Variants in ANKRD52 observed in about 807,000 individuals in gnomAD.
ANKRD52 encodes the protein serine/threonine-protein phosphatase 6 regulatory ankyrin repeat subunit C.
A neutral mutation model predicts 116.0 loss-of-function variants in ANKRD52; 7 were observed. The observed-to-expected ratio is 0.06, with a 90% CI of 0.03 to 0.11. The LOEUF (loss-of-function observed/expected upper bound fraction) is 0.11. Among genes scored for constraint, ANKRD52 ranks in the 10% least tolerant of loss-of-function variants. The probability of loss-of-function intolerance (pLI) is 1.00; values close to 1 mark genes in which losing one functional copy is unlikely to be tolerated. For synonymous variants in ANKRD52, 528 were observed against 578.1 expected, an observed-to-expected ratio of 0.91 and a Z score of 1.24; for missense variants, 839 against 1,408.6, an observed-to-expected ratio of 0.60 and a Z score of 6.47.
chr12:56,251,905 C>T, intron 15 of ANKRD52, 110 bp downstream of exon 15: 6 of 1,220,812 alleles, frequency 4.9e-6, no homozygotes, highest in East Asian at 2.4e-5. Flanking sequence ...GGCTGACCGG[C>T]AGGACAGCAG....
chr12:56,253,718 A>C lies in ANKRD52; in HGVS notation c.985+4T>G. On this transcript the variant is annotated splice_donor_region_variant and intron_variant, in intron 9 of 27. Transcript: ENST00000267116. The surrounding 1 kb of genome is among the most constrained non-coding windows in gnomAD (Gnocchi z 5.5). The stretch of plus-strand genomic sequence containing the variant: ...TGAGAGCACAAAGTCTCCCAGGTCC[A>C]TACCATTCTGGATGAGGATCTGGGA... 1 of 1,613,600 alleles carries C rather than the reference A, an allele frequency of 6.2e-7. No homozygotes were observed. The highest frequency in any genetic ancestry group is 8.5e-7 in the Non-Finnish European group (1 of 1,179,576).
Position 56,238,006 on chromosome 12 carries a change from AGGGGTGGGG to A in ANKRD52, c.*5127_*5135del. The A allele has an allele frequency of 8.7e-5, 13 of 150,254 alleles. No individual in the cohort carries two copies. Among genetic ancestry groups the A allele is most frequent in the South Asian group, 4.0e-4 (2 of 4,972 alleles). The allele number at this position is 150,254 out of a possible 1,614,324, so 9.3% of individuals were successfully genotyped here. ...CATTGTGCTTTAGCCCAGGGAGGGG[AGGGGTGGGG>A]CAAATGCACCGAGGTCCCCACTTTT... is the stretch of plus-strand genomic sequence containing the variant. On this transcript the variant is annotated 3_prime_UTR_variant, in exon 28 of 28. Coordinates refer to ENST00000267116, the MANE Select transcript of ANKRD52 (RefSeq NM_173595.4).
chr12:56,245,658 C>T, intron 20 of ANKRD52, 62 bp from the exon 21 acceptor site: 1 of 1,458,884 alleles, frequency 6.9e-7, no homozygotes, highest in Non-Finnish European at 9.3e-7. Flanking sequence ...TGGCCTGTTG[C>T]TGGAGTCTGG....
In ANKRD52 at chr12:56,253,027, C is replaced by G; in HGVS notation, c.1160G>C (p.Cys387Ser). The G allele has an allele frequency of 1.3e-6, 2 of 1,586,906 alleles. No individual in the cohort carries two copies. Among genetic ancestry groups the G allele is most frequent in the Non-Finnish European group, 1.7e-6 (2 of 1,166,738 alleles). The part of the protein sequence containing the change: ...HLAVLFGFSD[C>S]CRKLLSSGQL... ...ACCTGAGGAAAGAAGCTTACGACAA[C>G]AGTCAGAGAATCCAAAGAGAACAGC... Residue 387 changes from cysteine to serine, a missense_variant, in exon 11 of 28, where the codon TGT (cysteine) becomes TCT (serine). Physicochemically the swap from Cys to Ser is moderately radical, Grantham distance 112. Transcript: ENST00000267116. The surrounding 1 kb of genome is among the most constrained non-coding windows in gnomAD (Gnocchi z 5.5).
Position 56,243,837 on chromosome 12 carries a change from C to T in ANKRD52, c.2928G>A (p.Val976=), listed in dbSNP as rs1177901268. The stretch of plus-strand genomic sequence containing the variant: ...CCCCATGACTCAGCAGGGCCTGTAC[C>T]ACAGAAGCTAGACCATTCCGGGCAG... ...HIAARNGLAS[V]VQALLSHGAT... is the part of the protein sequence containing the mutation. The change falls in exon 27 of 28, where the codon GTG becomes GTA. Residue 976 remains valine (V), a synonymous_variant. Transcript: ENST00000267116. This position sits in a 1 kb window ranked among gnomAD's most constrained non-coding sequence, Gnocchi z 4.6. The T allele has an allele frequency of 1.3e-6, 2 of 1,567,178 alleles. No homozygotes were observed. The highest frequency in any genetic ancestry group is 2.4e-5 in the East Asian group (1 of 42,058).
At chr12:56,245,014 A>C in intron 22 of ANKRD52, 25 bp from the exon 23 acceptor site, 1 of 1,613,610 alleles carries the variant, frequency 6.2e-7, no homozygotes, top group Non-Finnish European at 8.5e-7. Context: ...AGGAGGGGTC[A>C]TCAGGAAGGA....
rs1237535245 is a variant in ANKRD52 at position 56,245,363 on chromosome 12, C to G, written c.2404+14G>C. The stretch of plus-strand genomic sequence containing the variant: ...ACACATGCTCCTGTGCCTGTGGAGG[C>G]CCCAGTCTAGTACCAGTGTAGGAGG... On this transcript the variant is annotated intron_variant, in intron 21 of 27. Coordinates refer to ENST00000267116, the MANE Select transcript of ANKRD52 (RefSeq NM_173595.4). 2 of 1,608,100 alleles carry G rather than the reference C, an allele frequency of 1.2e-6. No individual in the cohort carries two copies.
intron 20 of ANKRD52, 24 bp downstream of exon 20, chr12:56,247,469 A>T (rs1252137164): frequency 1.0e-5 from 16 of 1,545,716 alleles, no homozygotes; most frequent in East Asian, 2.4e-5. Context: ...ATGTGCAAAC[A>T]ATCCCCCCTA....
Position 56,258,361 on chromosome 12 carries a change from T to C in ANKRD52, c.-92A>G, listed in dbSNP as rs1872069634. ...GGAGCGGCCCAGGCGGCGGCTGCGG[T>C]GGCGGCTGCAGGGAGAGCGCGGCCC... On this transcript the variant is annotated 5_prime_UTR_variant, in exon 1 of 28. Transcript: ENST00000267116. 1.5e-6 allele frequency: 2 copies of C among 1,343,180 alleles called. No homozygotes were observed. The highest frequency in any genetic ancestry group is 1.9e-6 in the Non-Finnish European group (2 of 1,043,566). The allele number at this position is 1,343,180 out of a possible 1,614,324, so 83.2% of individuals were successfully genotyped here.
At position 56,243,504 on chromosome 12, in the gene ANKRD52, C is replaced by T. The variant is rs1420783002; in HGVS notation, c.2981-112G>A. 1.4e-6 allele frequency: 2 copies of T among 1,428,340 alleles called. No homozygotes were observed. The highest frequency in any genetic ancestry group is 1.9e-6 in the Non-Finnish European group (2 of 1,067,106). 88.5% of individuals were successfully genotyped at this position (1,428,340 alleles called of 1,614,324 possible). The stretch of plus-strand genomic sequence containing the variant: ...GGAGCCAAGGCAGGCAGGTACCCAG[C>T]AGCGGCAGAATCCAAGGGTGACGAG... On this transcript the variant is annotated intron_variant, in intron 27 of 27. Transcript: ENST00000267116. The surrounding 1 kb of genome is among the most constrained non-coding windows in gnomAD (Gnocchi z 4.6).
chr12:56,240,440 T>G lies in ANKRD52; in HGVS notation c.*2702A>C, dbSNP rs1165741680. The G allele has an allele frequency of 2.0e-5, 3 of 151,854 alleles. No individual in the cohort carries two copies. Among genetic ancestry groups the G allele is most frequent in the South Asian group, 4.1e-4 (2 of 4,824 alleles). 9.4% of individuals were successfully genotyped at this position (151,854 alleles called of 1,614,324 possible). ...TAGGCCTTTTCACAAAAGTGCTTAT[T>G]ACTTGAAGCAAGTGCTTTAGGGCTG... On this transcript the variant is annotated 3_prime_UTR_variant, in exon 28 of 28. Transcript: ENST00000267116. The surrounding 1 kb of genome is among the most constrained non-coding windows in gnomAD (Gnocchi z 4.2).
In ANKRD52 at chr12:56,243,197, G is replaced by C; in HGVS notation, c.3176C>G (p.Pro1059Arg). 6.2e-7 allele frequency: 1 copy of C among 1,612,682 alleles called. No homozygotes were observed. Among genetic ancestry groups the C allele is most frequent in the Non-Finnish European group, 8.5e-7 (1 of 1,179,384 alleles). The change falls in exon 28 of 28, where the codon CCC (proline) becomes CGC (arginine). Residue 1059 changes from proline (P) to arginine (R), a missense_variant. This residue lies in a region of ANKRD52 where 552 missense variants were observed against 810.6 expected (regional missense o/e 0.68). Coordinates refer to ENST00000267116, the MANE Select transcript of ANKRD52 (RefSeq NM_173595.4). The surrounding 1 kb of genome is among the most constrained non-coding windows in gnomAD (Gnocchi z 4.6). The part of the protein sequence containing the change: ...CGALPHGASC[P>R]YSQERPGAIG... ...GGCGCCGGGCCGCTCCTGGCTGTAG[G>C]GGCAGGAGGCCCCATGGGGCAGGGC...
At chr12:56,247,346 C>CA (rs1007977970) in intron 20 of ANKRD52, 147 bp downstream of exon 20, 31,394 of 487,308 alleles carry the variant, frequency 0.064, 53 homozygotes, top group Middle Eastern at 0.073. Flanking sequence ...GACCCTGTCT[C>CA]AAAAAAAAAA....
Position 56,240,695 on chromosome 12 carries a change from T to C in ANKRD52, c.*2447A>G, listed in dbSNP as rs1376945541. 2.0e-5 allele frequency: 3 copies of C among 152,240 alleles called. No homozygotes were observed. The highest frequency in any genetic ancestry group is 2.9e-5 in the Non-Finnish European group (2 of 68,050). 9.4% of individuals were successfully genotyped at this position (152,240 alleles called of 1,614,324 possible). Reference sequence around the variant, plus strand: ...GGAGCCCAGGGTGGGGCGTGGGGTTTCCTTTGGCATAAGGAGAGGAGGCTG... The same window carrying C: ...GGAGCCCAGGGTGGGGCGTGGGGTTCCCTTTGGCATAAGGAGAGGAGGCTG... On this transcript the variant is annotated 3_prime_UTR_variant, in exon 28 of 28. Coordinates refer to ENST00000267116, the MANE Select transcript of ANKRD52 (RefSeq NM_173595.4). This position sits in a 1 kb window ranked among gnomAD's most constrained non-coding sequence, Gnocchi z 4.2.
Position 56,242,776 on chromosome 12 carries a change from G to T in ANKRD52, c.*366C>A. 1 of 256,654 alleles carries T rather than the reference G, an allele frequency of 3.9e-6. No homozygotes were observed. Among genetic ancestry groups the T allele is most frequent in the Non-Finnish European group, 7.5e-6 (1 of 132,826 alleles). 15.9% of individuals were successfully genotyped at this position (256,654 alleles called of 1,614,324 possible). A position where few individuals can be genotyped will look rare whatever the true frequency, so the allele number is the denominator to read the frequency against. On this transcript the variant is annotated 3_prime_UTR_variant, in exon 28 of 28. Coordinates refer to ENST00000267116, the MANE Select transcript of ANKRD52 (RefSeq NM_173595.4). This position sits in a 1 kb window ranked among gnomAD's most constrained non-coding sequence, Gnocchi z 4.3. ...GGGATCTGCCTGGCAGTAGGGGCAG[G>T]GGAGAAGGGGGACACAGAGAGGAGT...
chr12:56,245,708 CTTTTTT>C (rs918818332), intron 20 of ANKRD52, 112 bp from the exon 21 acceptor site: 726 of 396,682 alleles, frequency 1.8e-3, no homozygotes, highest in Middle Eastern at 3.4e-3. Context: ...CAATCCTTGT[CTTTTTT>C]TTTTTTTTTT....
chr12:56,257,404 G>A (rs1288042936), intron 2 of ANKRD52, 43 bp from the exon 3 acceptor site: 1 of 1,517,808 alleles, frequency 6.6e-7, no homozygotes. Flanking sequence ...CGCGGGGTAA[G>A]GGGGCTATCA....
chr12:56,256,056 AG>A, intron 4 of ANKRD52, 72 bp from the exon 5 acceptor site: 1 of 1,432,242 alleles, frequency 7.0e-7, no homozygotes, highest in South Asian at 1.3e-5. Flanking sequence ...AAGGAGGAAT[AG>A]GTCAGCATAG....
At position 56,253,833 on chromosome 12, in the gene ANKRD52, T is replaced by A; in HGVS notation, c.907-33A>T. On this transcript the variant is annotated intron_variant, in intron 8 of 27. Transcript: ENST00000267116. This position sits in a 1 kb window ranked among gnomAD's most constrained non-coding sequence, Gnocchi z 5.5. ...AACATGGTGGGTTTTTGTTTTTGTT[T>A]TTTTTTCCAGTGCAAAGCACAGAGA... 6.2e-7 allele frequency: 1 copy of A among 1,606,694 alleles called. No individual in the cohort carries two copies. The highest frequency in any genetic ancestry group is 1.1e-5 in the South Asian group (1 of 90,800).
Sources: allele counts gnomAD v4.1 joint callset, GRCh38; gene constraint gnomAD v4.1.1; regional missense constraint gnomAD v4.1.1; non-coding constraint Gnocchi (gnomAD v3.1); transcripts MANE v1.5; gene names NCBI Gene and HGNC (gene_info 2026-07-23, HGNC 2026-07-21).